ARL3: variants seen among roughly 807,000 people sequenced by gnomAD.
ARL3 encodes the protein ARF like GTPase 3, also known as ADP-ribosylation factor-like protein 3.
ARL3 carries 9 observed loss-of-function variants against 26.0 expected under a neutral mutation model. That is an observed-to-expected ratio of 0.35 (90% confidence interval 0.21 to 0.60). ARL3 has a LOEUF of 0.60. Among genes scored for constraint, ARL3 ranks in the 20% least tolerant of loss-of-function variants. The pLI, the probability that ARL3 is intolerant of heterozygous loss-of-function variation, is 0.78. For missense variants in ARL3, 158 were observed against 215.7 expected, an observed-to-expected ratio of 0.73 and a Z score of 1.67; for synonymous variants, 71 against 78.4, an observed-to-expected ratio of 0.91 and a Z score of 0.50.
chr10:102,676,062 G>A lies in ARL3; in HGVS notation c.*832C>T, dbSNP rs888629032. On this transcript the variant is annotated 3_prime_UTR_variant, in exon 6 of 6. Coordinates refer to ENST00000260746, the MANE Select transcript of ARL3 (RefSeq NM_004311.4). ...ACTGAGCTGGAGAAAGCCTGTTTAC[G>A]CTAGCCTGAGCCCTCGATGTGAGAG... 2 of 152,552 alleles carry A rather than the reference G, an allele frequency of 1.3e-5. No homozygotes were observed. The highest frequency in any genetic ancestry group is 2.9e-5 in the Non-Finnish European group (2 of 68,034). 9.4% of individuals were successfully genotyped at this position (152,552 alleles called of 1,614,324 possible).
At chr10:102,694,371 C>G (rs1026376174) in intron 3 of ARL3, among the ~76,000 whole-genome samples, 4 of 152,184 alleles carry the variant, frequency 2.6e-5, no homozygotes, top group Non-Finnish European at 5.9e-5. Context: ...ACCTCATCAC[C>G]AAACTCAAGG....
rs569851878 is a variant in ARL3, at chr10:102,684,442, G to C, written c.501+1374C>G. Among the ~76,000 whole-genome samples, 6 of 151,060 alleles carry C rather than the reference G, an allele frequency of 4.0e-5. No individual in the cohort carries two copies. The South Asian group carries it at 6.3e-4, about 16-fold the overall frequency. ...GGGATTACAGGTGTGAGCCACCACAGCCGGCTACTCTCAGCTTTCTAAATT... is the reference window on the plus strand; with the variant it reads ...GGGATTACAGGTGTGAGCCACCACACCCGGCTACTCTCAGCTTTCTAAATT... On this transcript the variant is annotated intron_variant, in intron 5 of 5. Transcript: ENST00000260746.
At chr10:102,695,610 G>A (rs1203804101) in intron 3 of ARL3, among the ~76,000 whole-genome samples, 5 of 151,720 alleles carry the variant, frequency 3.3e-5, no homozygotes, top group African/African-American at 4.8e-5. Flanking sequence ...TTGGCTCACC[G>A]CAACCTCCAC....
rs1406443941 is a variant in ARL3, at chr10:102,685,972, T to A, written c.345A>T (p.Lys115Asn). The A allele has an allele frequency of 6.2e-7, 1 of 1,613,580 alleles. No homozygotes were observed. Among genetic ancestry groups the A allele is most frequent in the Non-Finnish European group, 8.5e-7 (1 of 1,179,872 alleles). ...QELAELLEEE[K>N]LSCVPVLIFA... ...AGATGAGCACTGGCACACAACTTAG[T>A]TTTTCTTCCTCCAGTAATTCCGCTA... The change falls in exon 5 of 6, where the codon AAA (lysine) becomes AAT (asparagine). Residue 115 changes from lysine to asparagine, a missense_variant. Transcript: ENST00000260746.
intron 3 of ARL3, 53 bp from the exon 4 acceptor site, chr10:102,689,996 G>T: frequency 1.6e-6 from 2 of 1,226,758 alleles, no homozygotes; most frequent in Non-Finnish European, 2.3e-6. Flanking sequence ...GAAAAGACAG[G>T]GCAATTTCTG....
intron 1 of ARL3, among the ~76,000 whole-genome samples, chr10:102,712,992 A>AT (rs2064353473): frequency 1.3e-5 from 2 of 151,976 alleles, no homozygotes. Flanking sequence ...TGTAAAATCA[A>AT]TTGAGTTTTT....
chr10:102,690,004 C>A, intron 3 of ARL3, 61 bp from the exon 4 acceptor site: 1 of 1,109,052 alleles, frequency 9.0e-7, no homozygotes, highest in Non-Finnish European at 1.3e-6. Context: ...AGGGCAATTT[C>A]TGCAAAAGGA....
chr10:102,690,069 G>A (rs2064208677), intron 3 of ARL3, 126 bp from the exon 4 acceptor site: 6 of 538,982 alleles, frequency 1.1e-5, no homozygotes, highest in African/African-American at 3.9e-5. Context: ...GAAATTGACT[G>A]GTGAGTCTCA....
rs1488693209 is a variant in ARL3 at position 102,705,304 on chromosome 10, C to T, written c.147+42G>A. The T allele has an allele frequency of 3.3e-6, 5 of 1,514,358 alleles. No individual in the cohort carries two copies. In the South Asian group the frequency reaches 5.1e-5, roughly 15 times the overall value. 93.8% of individuals were successfully genotyped at this position (1,514,358 alleles called of 1,614,324 possible). A position where few individuals can be genotyped will look rare whatever the true frequency, so the allele number is the denominator to read the frequency against. ...TTGTCTTTCACATTGCTATTATCGT[C>T]TTCCTGTGTCACACGGCATCTGGAG... On this transcript the variant is annotated intron_variant, in intron 2 of 5. Coordinates refer to ENST00000260746, the MANE Select transcript of ARL3 (RefSeq NM_004311.4).
chr10:102,692,514 C>G (rs2064223739), intron 3 of ARL3, among the ~76,000 whole-genome samples: 3 of 151,812 alleles, frequency 2.0e-5, no homozygotes, highest in African/African-American at 7.3e-5. Context: ...CTCCTGGGTT[C>G]AAGCGATACT....
chr10:102,689,343 AC>A (rs1170248955), intron 4 of ARL3, among the ~76,000 whole-genome samples: 10 of 152,076 alleles, frequency 6.6e-5, no homozygotes. Flanking sequence ...GGAAAAAAAA[AC>A]TGTTTAAAGA....
intron 2 of ARL3, among the ~76,000 whole-genome samples, chr10:102,701,395 T>C (rs1004705867): frequency 6.6e-6 from 1 of 152,238 alleles, no homozygotes; most frequent in East Asian, 1.9e-4. Flanking sequence ...CACAGTGCAA[T>C]AGGACAGGAA....
intron 1 of ARL3, among the ~76,000 whole-genome samples, chr10:102,708,908 A>ATATATATATATATATATATATATT: frequency 4.2e-5 from 4 of 95,324 alleles, no homozygotes; most frequent in African/African-American, 1.3e-4. Context: ...ATATATATAT[A>ATATATATATATATATATATATATT]TTTTTTTTTT....
chr10:102,704,066 A>T (rs1352358016), intron 2 of ARL3, among the ~76,000 whole-genome samples: 1 of 139,752 alleles, frequency 7.2e-6, no homozygotes, highest in East Asian at 2.3e-4. Context: ...CAGGAGAATC[A>T]CTTGAACCCA....
rs1179955307 is a variant in ARL3 at position 102,675,491 on chromosome 10, T to C, written c.*1403A>G. Reference sequence around the variant, plus strand: ...GACCCACCAGTCACTGGACAGTCTCTTATTCATTCTCTGAAAACCCCTGAG... The same window carrying C: ...GACCCACCAGTCACTGGACAGTCTCCTATTCATTCTCTGAAAACCCCTGAG... On this transcript the variant is annotated 3_prime_UTR_variant, in exon 6 of 6. Coordinates refer to ENST00000260746, the MANE Select transcript of ARL3 (RefSeq NM_004311.4). 1 of 152,212 alleles carries C rather than the reference T, an allele frequency of 6.6e-6. No homozygotes were observed. The highest frequency in any genetic ancestry group is 1.5e-5 in the Non-Finnish European group (1 of 68,046). The allele number at this position is 152,212 out of a possible 1,614,324, so 9.4% of individuals were successfully genotyped here.
At chr10:102,691,091 A>G (rs1264592373) in intron 3 of ARL3, among the ~76,000 whole-genome samples, 2 of 152,066 alleles carry the variant, frequency 1.3e-5, no homozygotes, top group Non-Finnish European at 2.9e-5. Context: ...TCAGCAGTCA[A>G]TATTTTAGCC....
rs2064119132 is a variant in ARL3 at position 102,674,245 on chromosome 10, G to A, written c.*2649C>T. 3.3e-5 allele frequency: 5 copies of A among 152,348 alleles called. No homozygotes were observed. Among genetic ancestry groups the A allele is most frequent in the Admixed American group, 2.6e-4 (4 of 15,278 alleles). The allele number at this position is 152,348 out of a possible 1,614,324, so 9.4% of individuals were successfully genotyped here. Reference sequence around the variant, plus strand: ...TAACCCTGGCACATTTCTAACCGCCGGCATAATCGCTGACTTTCAGCTGTG... The same window carrying A: ...TAACCCTGGCACATTTCTAACCGCCAGCATAATCGCTGACTTTCAGCTGTG... On this transcript the variant is annotated 3_prime_UTR_variant, in exon 6 of 6. Coordinates refer to ENST00000260746, the MANE Select transcript of ARL3 (RefSeq NM_004311.4).
intron 2 of ARL3, among the ~76,000 whole-genome samples, chr10:102,704,101 A>G (rs576009514): frequency 7.5e-6 from 1 of 133,814 alleles, no homozygotes; most frequent in South Asian, 2.7e-4. Flanking sequence ...CAGTGAGCTG[A>G]GATTGCACTG....
intron 2 of ARL3, among the ~76,000 whole-genome samples, chr10:102,700,372 G>A (rs192587737): frequency 1.0e-4 from 15 of 144,728 alleles, no homozygotes; most frequent in African/African-American, 3.6e-4. Flanking sequence ...TCATGCCACT[G>A]CACTCTGGCC....
Sources: allele counts gnomAD v4.1 joint callset (sites outside exome capture counted in the v4.1 genomes callset), GRCh38; gene constraint gnomAD v4.1.1; transcripts MANE v1.5; gene names NCBI Gene and HGNC (gene_info 2026-07-23, HGNC 2026-07-21).